PPFIBP2: variants seen among roughly 807,000 people sequenced by gnomAD.
PPFIBP2 encodes liprin-beta-2.
PPFIBP2 carries 118 observed loss-of-function variants against 118.3 expected under a neutral mutation model. The ratio of observed to expected loss-of-function variants is 1.00; its 90% confidence interval spans 0.86 to 1.16. The LOEUF (loss-of-function observed/expected upper bound fraction) is 1.16. Among genes scored for constraint, PPFIBP2 ranks in the 50% most tolerant of loss-of-function variants. The pLI, the probability that PPFIBP2 is intolerant of heterozygous loss-of-function variation, is 0.00. For missense variants in PPFIBP2, 1,195 were observed against 1,073.1 expected, an observed-to-expected ratio of 1.11 and a Z score of -1.59; for synonymous variants, 414 against 397.4, an observed-to-expected ratio of 1.04 and a Z score of -0.50.
intron 3 of PPFIBP2, among the ~76,000 whole-genome samples, chr11:7,583,051 T>G (rs981262281): frequency 6.6e-6 from 1 of 152,232 alleles, no homozygotes; most frequent in Non-Finnish European, 1.5e-5. Context: ...CCTTTCACTG[T>G]TAAGATTCTT....
At chr11:7,641,879 T>C (rs1445290475) in intron 16 of PPFIBP2, 1 of 508,664 alleles carries the variant, frequency 2.0e-6, no homozygotes, top group Non-Finnish European at 3.5e-6. Flanking sequence ...CTGAACATAA[T>C]CTCTGCAGCT....
chr11:7,558,703 C>G (rs1462882544), intron 2 of PPFIBP2, among the ~76,000 whole-genome samples: 2 of 151,680 alleles, frequency 1.3e-5, no homozygotes, highest in African/African-American at 4.8e-5. Flanking sequence ...TTGCAGTGAG[C>G]TGAGATCACG....
At chr11:7,591,474 T>C (rs1004109433) in intron 3 of PPFIBP2, among the ~76,000 whole-genome samples, 2 of 87,194 alleles carry the variant, frequency 2.3e-5, no homozygotes, top group Non-Finnish European at 5.4e-5. Flanking sequence ...CTCCTACCTT[T>C]TCTTCTCTGG....
Position 7,562,734 on chromosome 11 carries a change from C to T in PPFIBP2, c.65-2819C>T, listed in dbSNP as rs188987565. ...GTTTCTTCTTCCCTTAGTTTTCTGCCCTGTAACCTTATCTGATTCTTAAAT... is the reference window on the plus strand; with the variant it reads ...GTTTCTTCTTCCCTTAGTTTTCTGCTCTGTAACCTTATCTGATTCTTAAAT... On this transcript the variant is annotated intron_variant, in intron 2 of 23. Coordinates refer to ENST00000299492, the MANE Select transcript of PPFIBP2 (RefSeq NM_003621.5). Among the ~76,000 whole-genome samples the T allele has an allele frequency of 1.4e-4, 21 of 151,730 alleles. No individual in the cohort carries two copies. The East Asian group carries it at 4.1e-3, about 29-fold the overall frequency.
At chr11:7,647,370 G>A (rs1853255025) in intron 17 of PPFIBP2, among the ~76,000 whole-genome samples, 1 of 151,966 alleles carries the variant, frequency 6.6e-6, no homozygotes. Flanking sequence ...AGAATTGATG[G>A]CTTTATAAAA....
At chr11:7,597,699 T>C (rs758309724) in intron 5 of PPFIBP2, 26 bp downstream of exon 5, 4 of 1,584,364 alleles carry the variant, frequency 2.5e-6, no homozygotes, top group Non-Finnish European at 3.5e-6. Flanking sequence ...CTGAAGGCCC[T>C]TGGGTGCCGA....
chr11:7,597,074 C>A (rs1860461134), intron 4 of PPFIBP2: 2 of 1,104,254 alleles, frequency 1.8e-6, no homozygotes. Flanking sequence ...AGCCCACATT[C>A]CTTAATTGCA....
chr11:7,653,172 A>T lies in PPFIBP2; in HGVS notation c.2585A>T (p.Asp862Val), dbSNP rs1258462528. 5.0e-6 allele frequency: 8 copies of T among 1,614,072 alleles called. No individual in the cohort carries two copies. Among genetic ancestry groups the T allele is most frequent in the Non-Finnish European group, 6.8e-6 (8 of 1,180,042 alleles). The stretch of plus-strand genomic sequence containing the variant: ...GGCTACCGGGGCCTCAGCCCCCTTG[A>T]TGCCCCTGAACTGGATGGGCTGGAC... Reference protein sequence around the residue: ...YSGYRGLSPLDAPELDGLDQV... With the variant: ...YSGYRGLSPLVAPELDGLDQV... Residue 862 changes from aspartate to valine, a missense_variant, in exon 24 of 24, where the codon GAT becomes GTT. Transcript: ENST00000299492.
At chr11:7,644,828 C>A (rs1852744090) in intron 17 of PPFIBP2, among the ~76,000 whole-genome samples, 1 of 151,220 alleles carries the variant, frequency 6.6e-6, no homozygotes, top group African/African-American at 2.4e-5. Flanking sequence ...GAGATCGAGA[C>A]CATCCCGGCT....
At chr11:7,514,296 C>G (rs950298185) in intron 1 of PPFIBP2, among the ~76,000 whole-genome samples, 175 bp downstream of exon 1, 2 of 152,238 alleles carry the variant, frequency 1.3e-5, no homozygotes, top group African/African-American at 4.8e-5. Context: ...GGACCCTTCT[C>G]CAACTCCACT....
chr11:7,639,972 A>T, intron 15 of PPFIBP2, 102 bp downstream of exon 15: 2 of 1,470,850 alleles, frequency 1.4e-6, no homozygotes, highest in Non-Finnish European at 1.8e-6. Context: ...CCACAATTGG[A>T]GAATGGTGGG....
chr11:7,637,901 G>C (rs1278075399), intron 14 of PPFIBP2, among the ~76,000 whole-genome samples: 1 of 152,264 alleles, frequency 6.6e-6, no homozygotes, highest in African/African-American at 2.4e-5. Flanking sequence ...CAGCTCCTCA[G>C]GGAGCTCCCC....
Position 7,562,929 on chromosome 11 carries a change from TTATATATATATATATA to T in PPFIBP2, c.65-2591_65-2576del, listed in dbSNP as rs60848890. On this transcript the variant is annotated intron_variant, in intron 2 of 23. Transcript: ENST00000299492. ...TTTCAAAGAAATAGAAATTAAAGTT[TTATATATATATATATA>T]TATATATATATATATATATATATAT... 4.9e-3 allele frequency among the ~76,000 whole-genome samples: 423 copies of T among 86,538 alleles called. 7 individuals are homozygous for T. Among genetic ancestry groups the T allele is most frequent in the African/African-American group, 0.012 (354 of 28,968 alleles). 56.8% of individuals were successfully genotyped at this position (86,538 alleles called of 152,430 possible). A position where few individuals can be genotyped will look rare whatever the true frequency, so the allele number is the denominator to read the frequency against.
chr11:7,652,601 T>G (rs1196935869), intron 23 of PPFIBP2, among the ~76,000 whole-genome samples: 1 of 152,172 alleles, frequency 6.6e-6, no homozygotes, highest in Non-Finnish European at 1.5e-5. Context: ...GGGAGCAACC[T>G]GGGGCTATCC....
downstream of PPFIBP2, chr11:7,653,771 A>G (rs1356930599): frequency 9.2e-6 from 11 of 1,198,284 alleles, no homozygotes; most frequent in East Asian, 4.6e-4. Flanking sequence ...GCAGCTCACC[A>G]TATCTTTAAC....
chr11:7,657,877 A>G (rs1358200372), downstream of PPFIBP2, among the ~76,000 whole-genome samples: 1 of 152,130 alleles, frequency 6.6e-6, no homozygotes, highest in East Asian at 1.9e-4. Flanking sequence ...CCTCACCACA[A>G]ACTTGGAGCA....
chr11:7,645,158 C>T (rs1368809082), intron 17 of PPFIBP2, among the ~76,000 whole-genome samples: 1 of 150,500 alleles, frequency 6.6e-6, no homozygotes, highest in South Asian at 2.2e-4. Context: ...GTTAGGGCAG[C>T]TGTGGGGGTT....
chr11:7,532,844 C>T (rs1053197581), intron 1 of PPFIBP2, among the ~76,000 whole-genome samples: 1 of 152,156 alleles, frequency 6.6e-6, no homozygotes, highest in Non-Finnish European at 1.5e-5. Flanking sequence ...AACTGTTCAA[C>T]AAATGTTGAA....
At chr11:7,652,253 C>T (rs1854151813) in intron 23 of PPFIBP2, among the ~76,000 whole-genome samples, 1 of 152,200 alleles carries the variant, frequency 6.6e-6, no homozygotes, top group Non-Finnish European at 1.5e-5. Context: ...GAAGTGCTTC[C>T]AATGGAAGCT....
Sources: allele counts gnomAD v4.1 joint callset (sites outside exome capture counted in the v4.1 genomes callset), GRCh38; gene constraint gnomAD v4.1.1; transcripts MANE v1.5; gene names NCBI Gene and HGNC (gene_info 2026-07-23, HGNC 2026-07-21).